The following PLEKHG1 variants were observed in gnomAD, a reference collection of about 807,000 sequenced individuals.
PLEKHG1 encodes the protein pleckstrin homology domain-containing family G member 1.
PLEKHG1 carries 44 observed loss-of-function variants against 100.8 expected under a neutral mutation model. The ratio of observed to expected loss-of-function variants is 0.44; its 90% CI spans 0.34 to 0.56. PLEKHG1 has a LOEUF of 0.56. Ranked by LOEUF, PLEKHG1 falls within the 20% of genes least tolerant of loss-of-function variation. The probability of loss-of-function intolerance (pLI) is 0.01; values close to 1 mark genes in which losing one functional copy is unlikely to be tolerated. For missense variants in PLEKHG1, 1,545 were observed against 1,720.9 expected, an observed-to-expected ratio of 0.90 and a Z score of 1.81; for synonymous variants, 640 against 662.5, an observed-to-expected ratio of 0.97 and a Z score of 0.52.
At chr6:150,792,860 A>G (rs750564931) in intron 4 of PLEKHG1, among the ~76,000 whole-genome samples, 20 of 152,164 alleles carry the variant, frequency 1.3e-4, no homozygotes, top group Non-Finnish European at 2.4e-4. Flanking sequence ...AAAATATACA[A>G]GATAGTCTGG....
At chr6:150,823,585 T>C in intron 13 of PLEKHG1, 69 bp from the exon 15 acceptor site, 1 of 1,041,884 alleles carries the variant, frequency 9.6e-7, no homozygotes. Flanking sequence ...TTCTATAAAA[T>C]ATTAGTGCTT....
At position 150,786,457 on chromosome 6, in the gene PLEKHG1, A is replaced by C; in HGVS notation, c.580A>C (p.Lys194Gln). 1.2e-6 allele frequency: 2 copies of C among 1,608,472 alleles called. No homozygotes were observed. The highest frequency in any genetic ancestry group is 2.2e-5 in the East Asian group (1 of 44,852). The change falls in exon 4 of 16, where the codon AAG becomes CAG. Residue 194 changes from lysine (K) to glutamine (Q), a missense_variant and splice_region_variant. Transcript: ENST00000358517. ...GGCCATAGCAGAGTGTTTTGTGTCC[A>C]AGGTAAGCAGGGTTCATCCTTCTGG...
At chr6:150,682,157 A>G (rs1779958036) in intron 3 of PLEKHG1, among the ~76,000 whole-genome samples, 1 of 152,096 alleles carries the variant, frequency 6.6e-6, no homozygotes, top group Admixed American at 6.5e-5. Flanking sequence ...CTGAGCCTGC[A>G]TGTCTGGGCC....
intron 10 of PLEKHG1, among the ~76,000 whole-genome samples, chr6:150,810,186 T>C (rs112545165): frequency 0.26 from 39,798 of 151,224 alleles, 5,435 homozygotes; most frequent in Middle Eastern, 0.36. Context: ...GTAGTCCCAG[T>C]TACTCTGGGA....
chr6:150,623,517 G>A (rs1199379638), intron 1 of PLEKHG1, among the ~76,000 whole-genome samples: 2 of 152,208 alleles, frequency 1.3e-5, no homozygotes, highest in African/African-American at 2.4e-5. Flanking sequence ...GGAACTCCAG[G>A]TCTCAAACTC....
At chr6:150,774,531 ATTTTTTT>A (rs61521577) in intron 3 of PLEKHG1, among the ~76,000 whole-genome samples, 7 of 87,140 alleles carry the variant, frequency 8.0e-5, no homozygotes, top group Non-Finnish European at 1.4e-4. Context: ...ATTAGTTTGA[ATTTTTTT>A]TTTTTTTTTT....
intron 3 of PLEKHG1, among the ~76,000 whole-genome samples, chr6:150,674,632 C>CCTCT (rs756355880): frequency 0.025 from 1,637 of 65,962 alleles, 102 homozygotes; most frequent in African/African-American, 0.04. Context: ...CTCTCTCCTC[C>CCTCT]CTCTCTCTCT....
intron 2 of PLEKHG1, among the ~76,000 whole-genome samples, chr6:150,737,067 GTCC>G (rs1240432271): frequency 1.3e-5 from 2 of 152,118 alleles, no homozygotes; most frequent in Non-Finnish European, 2.9e-5. Context: ...CATTTACCCT[GTCC>G]TCCTAGAAAA....
At chr6:150,670,318 A>G (rs1779541652) in intron 3 of PLEKHG1, among the ~76,000 whole-genome samples, 1 of 152,174 alleles carries the variant, frequency 6.6e-6, no homozygotes, top group Non-Finnish European at 1.5e-5. Context: ...TATAAGGAAT[A>G]TGTTCTATTT....
intron 1 of PLEKHG1, among the ~76,000 whole-genome samples, chr6:150,615,092 A>G (rs1367198013): frequency 6.6e-6 from 1 of 152,248 alleles, no homozygotes; most frequent in African/African-American, 2.4e-5. Context: ...ACAAGTAGTC[A>G]TCAGTAACAC....
chr6:150,611,669 G>A lies in PLEKHG1; in HGVS notation c.-204+11652G>A, dbSNP rs552602757. Among the ~76,000 whole-genome samples, 239 of 152,134 alleles carry A rather than the reference G, an allele frequency of 1.6e-3. 4 individuals carry two copies. Among genetic ancestry groups the A allele is most frequent in the Non-Finnish European group, 3.4e-4 (23 of 67,990 alleles). On this transcript the variant is annotated intron_variant, in intron 1 of 3. Transcript: ENST00000367326. ...TGTATTAAAAATACAAAAATTAGCCGGGCATGGTGGTGGGTGCCTGTAGTC... is the reference window on the plus strand; with the variant it reads ...TGTATTAAAAATACAAAAATTAGCCAGGCATGGTGGTGGGTGCCTGTAGTC...
Position 150,813,358 on chromosome 6 carries a change from G to A in PLEKHG1, c.1278+3624G>A, listed in dbSNP as rs532952271. Among the ~76,000 whole-genome samples the A allele has an allele frequency of 2.0e-5, 3 of 151,420 alleles. No homozygotes were observed. The South Asian group carries it at 6.3e-4, about 32-fold the overall frequency. On this transcript the variant is annotated intron_variant, in intron 10 of 15. Coordinates refer to ENST00000358517, the Ensembl canonical transcript of PLEKHG1. ...TCACTAGAGATGACTAGAATAGCCT[G>A]TGAAAGACATCAAAGACCCAACTGA...
intron 7 of PLEKHG1, 125 bp from the exon 9 acceptor site, chr6:150,808,980 C>A: frequency 1.5e-6 from 1 of 688,074 alleles, no homozygotes; most frequent in Non-Finnish European, 2.5e-6. Flanking sequence ...TCAGATACCA[C>A]GTAGATAGTT....
intron 6 of PLEKHG1, among the ~76,000 whole-genome samples, 186 bp from the exon 8 acceptor site, chr6:150,804,424 G>C (rs1455955734): frequency 2.0e-5 from 3 of 150,864 alleles, no homozygotes; most frequent in African/African-American, 7.3e-5. Flanking sequence ...GACCTCAGGT[G>C]ATCCACCCAC....
At chr6:150,677,323 A>T (rs1779795978) in intron 3 of PLEKHG1, among the ~76,000 whole-genome samples, 1 of 135,024 alleles carries the variant, frequency 7.4e-6, no homozygotes, top group African/African-American at 3.0e-5. Flanking sequence ...CACACACACC[A>T]CCAGTTTCTA....
rs533366514 is a variant in PLEKHG1, at chr6:150,638,322, G to A, written c.-158+197G>A. ...TTCCTACCTCCTGTGCTCTCATGTC[G>A]TTTTTTAATGTGTTTCCTTCCATCT... is the stretch of plus-strand genomic sequence containing the variant. On this transcript the variant is annotated intron_variant, in intron 2 of 3. Coordinates refer to the PLEKHG1 transcript ENST00000367326. Among the ~76,000 whole-genome samples, 4 of 152,248 alleles carry A rather than the reference G, an allele frequency of 2.6e-5. No homozygotes were observed. In the South Asian group the frequency reaches 6.2e-4, roughly 24 times the overall value.
At chr6:150,830,225 A>G (rs1313915588) in intron 14 of PLEKHG1, among the ~76,000 whole-genome samples, 1 of 152,168 alleles carries the variant, frequency 6.6e-6, no homozygotes, top group African/African-American at 2.4e-5. Flanking sequence ...ATGATTGTGA[A>G]TATTAAGTTT....
chr6:150,780,297 G>A (rs2128647366), intron 3 of PLEKHG1, among the ~76,000 whole-genome samples: 1 of 151,912 alleles, frequency 6.6e-6, no homozygotes, highest in East Asian at 2.0e-4. Context: ...TGTATTTTTA[G>A]TAGAGACAGG....
intron 7 of PLEKHG1, among the ~76,000 whole-genome samples, chr6:150,807,356 G>A (rs6923505): frequency 0.045 from 6,791 of 152,236 alleles, 239 homozygotes; most frequent in African/African-American, 0.095. Context: ...TTTTCATACT[G>A]TGTGAAGCTG....
Sources: allele counts gnomAD v4.1 joint callset (sites outside exome capture counted in the v4.1 genomes callset), GRCh38; gene constraint gnomAD v4.1.1; transcripts MANE v1.5; gene names NCBI Gene and HGNC (gene_info 2026-07-23, HGNC 2026-07-21).